HSPA12A: variants seen among roughly 807,000 people sequenced by gnomAD.
The protein encoded by HSPA12A is heat shock protein family A (Hsp70) member 12A.
HSPA12A carries 28 observed loss-of-function variants against 69.2 expected under a neutral mutation model. That is an observed-to-expected ratio of 0.40 (90% confidence interval 0.30 to 0.55). HSPA12A has a LOEUF of 0.55. HSPA12A is among the 20% of genes least tolerant of loss of function. The pLI, the probability that HSPA12A is intolerant of heterozygous loss-of-function variation, is 0.38. For missense variants in HSPA12A, 686 were observed against 900.7 expected, an observed-to-expected ratio of 0.76 and a Z score of 3.05; for synonymous variants, 345 against 370.5, an observed-to-expected ratio of 0.93 and a Z score of 0.79.
intron 1 of HSPA12A, among the ~76,000 whole-genome samples, chr10:116,847,693 C>T (rs1845917102): frequency 6.6e-6 from 1 of 152,202 alleles, no homozygotes; most frequent in South Asian, 2.1e-4. Flanking sequence ...TACTGAGCAG[C>T]TATTCCATCA....
intron 2 of HSPA12A, chr10:116,833,164 T>C (rs1416078200): frequency 6.6e-6 from 1 of 152,258 alleles, no homozygotes; most frequent in Non-Finnish European, 1.5e-5. Context: ...AATTCTGTCA[T>C]TCCTTGGCTA....
upstream of HSPA12A, among the ~76,000 whole-genome samples, chr10:116,744,858 G>C (rs976071954): frequency 6.6e-6 from 1 of 152,194 alleles, no homozygotes; most frequent in African/African-American, 2.4e-5. Context: ...GGCTCAGCAC[G>C]CCACATCAAG....
intron 2 of HSPA12A, among the ~76,000 whole-genome samples, chr10:116,757,533 G>A (rs1312802025): frequency 2.6e-5 from 4 of 152,154 alleles, no homozygotes; most frequent in African/African-American, 9.7e-5. Context: ...TTCATCATCC[G>A]CACACGGCAG....
chr10:116,811,172 G>C (rs770532084), intron 2 of HSPA12A, among the ~76,000 whole-genome samples: 7 of 152,144 alleles, frequency 4.6e-5, no homozygotes, highest in Non-Finnish European at 1.0e-4. Context: ...CACCACTTGG[G>C]CAAAGGCTTA....
intron 1 of HSPA12A, among the ~76,000 whole-genome samples, chr10:116,847,985 C>T (rs1845925173): frequency 6.6e-6 from 1 of 152,152 alleles, no homozygotes; most frequent in African/African-American, 2.4e-5. Context: ...TGATGTGGGA[C>T]TCAACCCAGG....
chr10:116,815,248 C>CAAAAAAAA (rs61008848), intron 2 of HSPA12A, among the ~76,000 whole-genome samples: 1 of 102,130 alleles, frequency 9.8e-6, no homozygotes, highest in African/African-American at 3.9e-5. Flanking sequence ...ATCCAAAAGA[C>CAAAAAAAA]AAAAAAAAAA....
intron 2 of HSPA12A, among the ~76,000 whole-genome samples, chr10:116,798,022 A>T (rs1487349496): frequency 6.6e-6 from 1 of 151,260 alleles, no homozygotes; most frequent in East Asian, 2.0e-4. Context: ...GTTTCAATGT[A>T]AGAGAAGCTC....
At position 116,675,432 on chromosome 10, in the gene HSPA12A, G is replaced by T; in HGVS notation, c.1391-14C>A. The T allele has an allele frequency of 6.4e-7, 1 of 1,558,736 alleles. No homozygotes were observed. Among genetic ancestry groups the T allele is most frequent in the South Asian group, 1.2e-5 (1 of 82,662 alleles). ...GAAACAGGTCCCCTGGAAGGGAAGAGGCAGGGAGAATGTCCTGTCACCAAA... is the reference window on the plus strand; with the variant it reads ...GAAACAGGTCCCCTGGAAGGGAAGATGCAGGGAGAATGTCCTGTCACCAAA... On this transcript the variant is annotated splice_polypyrimidine_tract_variant and intron_variant, in intron 11 of 11. Coordinates refer to ENST00000369209, the MANE Select transcript of HSPA12A (RefSeq NM_025015.3). This position sits in a 1 kb window ranked among gnomAD's most constrained non-coding sequence, Gnocchi z 5.2.
rs1206737799 is a variant in HSPA12A at position 116,686,338 on chromosome 10, G to A, written c.664-2376C>T. ...CCTGTGCTGATTCTTCCATCCTTGA[G>A]GTTGTGGAGTCAAGGACCTCCCAGG... On this transcript the variant is annotated intron_variant, in intron 6 of 11. Transcript: ENST00000369209. This position sits in a 1 kb window ranked among gnomAD's most constrained non-coding sequence, Gnocchi z 4.1. Among the ~76,000 whole-genome samples the A allele has an allele frequency of 6.6e-6, 1 of 152,190 alleles. No homozygotes were observed. Among genetic ancestry groups the A allele is most frequent in the African/African-American group, 2.4e-5 (1 of 41,430 alleles).
chr10:116,778,712 G>A (rs1244673980), intron 2 of HSPA12A, among the ~76,000 whole-genome samples: 1 of 152,082 alleles, frequency 6.6e-6, no homozygotes, highest in African/African-American at 2.4e-5. Context: ...GAACAGTGTG[G>A]TGGGCAACAT....
chr10:116,740,133 G>A (rs1012951918), intron 1 of HSPA12A, among the ~76,000 whole-genome samples: 1 of 152,180 alleles, frequency 6.6e-6, no homozygotes, highest in Non-Finnish European at 1.5e-5. Context: ...ATGCATAAGG[G>A]CTGTATGCAC....
At chr10:116,760,496 G>C (rs530000878) in intron 2 of HSPA12A, among the ~76,000 whole-genome samples, 119 of 152,182 alleles carry the variant, frequency 7.8e-4, no homozygotes, top group African/African-American at 2.8e-3. Flanking sequence ...GTCAGTCCCT[G>C]GAATCTCCTT....
chr10:116,784,306 T>A (rs191058431), intron 2 of HSPA12A, among the ~76,000 whole-genome samples: 2 of 152,396 alleles, frequency 1.3e-5, no homozygotes, highest in East Asian at 3.9e-4. Flanking sequence ...CTGACCTAGG[T>A]GGCCCCTTGC....
intron 2 of HSPA12A, among the ~76,000 whole-genome samples, chr10:116,800,106 T>C (rs1190136426): frequency 6.6e-6 from 1 of 152,084 alleles, no homozygotes; most frequent in Admixed American, 6.5e-5. Context: ...TCCCAGAAAA[T>C]GAGAGATGAA....
At chr10:116,743,491 C>A (rs1176865413), upstream of HSPA12A, among the ~76,000 whole-genome samples, 1 of 152,222 alleles carries the variant, frequency 6.6e-6, no homozygotes, top group Non-Finnish European at 1.5e-5. Flanking sequence ...TCCTTTCCTC[C>A]CCATAACTAA....
Position 116,776,220 on chromosome 10 carries a change from G to A in HSPA12A, c.91+58715C>T, listed in dbSNP as rs184617187. Among the ~76,000 whole-genome samples the A allele has an allele frequency of 6.6e-5, 10 of 152,294 alleles. No homozygotes were observed. In the East Asian group the frequency reaches 1.4e-3, roughly 21 times the overall value. ...CTGTGGGACACAGGCAGGTGTCATG[G>A]GTGGACAACAAGGAGCATCTCAGGT... On this transcript the variant is annotated intron_variant, in intron 2 of 12. Transcript: ENST00000635765.
intron 2 of HSPA12A, among the ~76,000 whole-genome samples, chr10:116,770,154 G>A (rs1564813703): frequency 6.6e-6 from 1 of 152,138 alleles, no homozygotes. Context: ...CCTTGTGGTG[G>A]ATGCAAAAAC....
At chr10:116,714,309 T>C (rs543709127) in intron 1 of HSPA12A, among the ~76,000 whole-genome samples, 1 of 152,240 alleles carries the variant, frequency 6.6e-6, no homozygotes, top group Admixed American at 6.5e-5. Context: ...TCCAACAATG[T>C]GGGATCAGCT....
intron 3 of HSPA12A, among the ~76,000 whole-genome samples, chr10:116,704,576 G>A (rs927125756): frequency 1.4e-4 from 21 of 151,884 alleles, no homozygotes; most frequent in African/African-American, 4.1e-4. Context: ...AAACCTGCAC[G>A]TTGTGCACAT....
Sources: allele counts gnomAD v4.1 joint callset (sites outside exome capture counted in the v4.1 genomes callset), GRCh38; gene constraint gnomAD v4.1.1; non-coding constraint Gnocchi (gnomAD v3.1); transcripts MANE v1.5; gene names NCBI Gene and HGNC (gene_info 2026-07-23, HGNC 2026-07-21).